CD86: variants seen among roughly 807,000 people sequenced by gnomAD.
CD86 encodes CD86 molecule.
In CD86, 11 loss-of-function variants were observed where a neutral mutation model predicts 32.1. The ratio of observed to expected loss-of-function variants is 0.34; its 90% CI spans 0.22 to 0.57. CD86 has a LOEUF of 0.57. Ranked by LOEUF, CD86 falls within the 20% of genes least tolerant of loss-of-function variation. The pLI is 0.86. For synonymous variants in CD86, 137 were observed against 135.3 expected (o/e 1.01, Z -0.09); for missense variants, 359 against 398.4 (o/e 0.90, Z 0.84).
intron 4 of CD86, among the ~76,000 whole-genome samples, chr3:122,108,897 G>C (rs1295634923): frequency 6.6e-6 from 1 of 152,168 alleles, no homozygotes; most frequent in African/African-American, 2.4e-5. Flanking sequence ...ACTGCAGAGG[G>C]GGGCAGGATA....
At chr3:122,078,369 G>C (rs549211598) in intron 1 of CD86, among the ~76,000 whole-genome samples, 3 of 152,140 alleles carry the variant, frequency 2.0e-5, no homozygotes, top group Non-Finnish European at 4.4e-5. Flanking sequence ...TGGGGTCTCC[G>C]AGCAGCCTCT....
intron 5 of CD86, among the ~76,000 whole-genome samples, chr3:122,115,740 CAAAAAAAAAAAAA>C (rs769868417): frequency 1.1e-4 from 3 of 27,538 alleles, no homozygotes; most frequent in African/African-American, 3.7e-4. Flanking sequence ...AACTCCCTCT[CAAAAAAAAAAAAA>C]AAAAAAAAAA....
intron 3 of CD86, among the ~76,000 whole-genome samples, chr3:122,105,352 T>C (rs1403047417): frequency 6.6e-6 from 1 of 152,222 alleles, no homozygotes; most frequent in Non-Finnish European, 1.5e-5. Flanking sequence ...AGTACACTGA[T>C]ATAGCAAAAC....
At chr3:122,083,408 C>T (rs898612884) in intron 1 of CD86, among the ~76,000 whole-genome samples, 2 of 152,184 alleles carry the variant, frequency 1.3e-5, no homozygotes, top group African/African-American at 2.4e-5. Context: ...CACGTGCCCT[C>T]CTGCCTCAGC....
intron 1 of CD86, among the ~76,000 whole-genome samples, chr3:122,060,207 T>G (rs571313205): frequency 4.6e-5 from 7 of 151,988 alleles, no homozygotes; most frequent in African/African-American, 1.4e-4. Context: ...CAAAGCAGAG[T>G]GTAGTCACAG....
Position 122,091,560 on chromosome 3 carries a change from C to T in CD86, c.15-41C>T, listed in dbSNP as rs1487793083. On this transcript the variant is annotated intron_variant, in intron 1 of 6. Coordinates refer to ENST00000330540, the MANE Select transcript of CD86 (RefSeq NM_175862.5). The stretch of plus-strand genomic sequence containing the variant: ...TTGGTGAACATCGGTTTTCAGTTTC[C>T]TTTTCTAATCAAGTTTTACCTTTTT... 2.0e-6 allele frequency: 3 copies of T among 1,494,206 alleles called. No individual in the cohort carries two copies. The South Asian group carries it at 3.5e-5, about 17-fold the overall frequency. The allele number at this position is 1,494,206 out of a possible 1,614,324, so 92.6% of individuals were successfully genotyped here.
chr3:122,085,775 C>A (rs773449616), intron 1 of CD86, among the ~76,000 whole-genome samples: 1 of 152,118 alleles, frequency 6.6e-6, no homozygotes, highest in Admixed American at 6.5e-5. Flanking sequence ...CGCTGTGCAG[C>A]ATGTCACACC....
At chr3:122,065,665 T>C (rs142586556) in intron 1 of CD86, among the ~76,000 whole-genome samples, 9 of 152,290 alleles carry the variant, frequency 5.9e-5, no homozygotes, top group African/African-American at 2.2e-4. Context: ...AGCTTTGGTC[T>C]GGAAAGTGAG....
intron 1 of CD86, among the ~76,000 whole-genome samples, chr3:122,078,962 A>G (rs2072592233): frequency 6.6e-6 from 1 of 152,194 alleles, no homozygotes; most frequent in Admixed American, 6.5e-5. Context: ...TATTTATGTG[A>G]GCTATCCTGT....
intron 1 of CD86, among the ~76,000 whole-genome samples, chr3:122,074,216 G>T (rs1162342744): frequency 6.6e-6 from 1 of 152,134 alleles, no homozygotes; most frequent in Non-Finnish European, 1.5e-5. Flanking sequence ...CTACCCCCTC[G>T]GGAGCACTGA....
chr3:122,119,207 G>A (rs935809543), intron 6 of CD86, among the ~76,000 whole-genome samples: 15 of 152,314 alleles, frequency 9.8e-5, no homozygotes, highest in African/African-American at 2.4e-4. Context: ...GCAGAGAACC[G>A]GCAGAGGGCA....
intron 1 of CD86, among the ~76,000 whole-genome samples, chr3:122,070,846 T>C (rs979805819): frequency 1.3e-5 from 2 of 152,140 alleles, no homozygotes; most frequent in Non-Finnish European, 2.9e-5. Flanking sequence ...ACTGTGAAAT[T>C]GATGCTAATT....
chr3:122,094,977 G>C (rs1192005545), intron 2 of CD86, among the ~76,000 whole-genome samples: 2 of 152,196 alleles, frequency 1.3e-5, no homozygotes, highest in African/African-American at 2.4e-5. Context: ...TTTTAGGCTG[G>C]AGCCAGAGAG....
rs138336655 is a variant in CD86 at position 122,057,584 on chromosome 3, G to A, written c.14+2081G>A. On this transcript the variant is annotated intron_variant, in intron 1 of 6. Transcript: ENST00000330540. ...CTTTTCAATTTGAATCCCATCTGTAGGCAGAAAAATAAAGTTAAATATTTA... is the reference window on the plus strand; with the variant it reads ...CTTTTCAATTTGAATCCCATCTGTAAGCAGAAAAATAAAGTTAAATATTTA... Among the ~76,000 whole-genome samples, 257 of 152,012 alleles carry A rather than the reference G, an allele frequency of 1.7e-3. 5 individuals are homozygous for A. The East Asian group carries it at 0.034, about 20-fold the overall frequency.
intron 1 of CD86, among the ~76,000 whole-genome samples, chr3:122,060,750 A>T (rs1024318530): frequency 2.0e-5 from 3 of 152,182 alleles, no homozygotes; most frequent in Non-Finnish European, 4.4e-5. Flanking sequence ...GTCATTTTAC[A>T]TGTTGGATTT....
intron 1 of CD86, 83 bp from the exon 2 acceptor site, chr3:122,091,518 C>T: frequency 5.5e-6 from 6 of 1,100,402 alleles, no homozygotes; most frequent in South Asian, 2.5e-5. Context: ...TCCCAAACTC[C>T]ACGTCCAGGT....
At chr3:122,058,283 T>C (rs945641348) in intron 1 of CD86, among the ~76,000 whole-genome samples, 1 of 152,178 alleles carries the variant, frequency 6.6e-6, no homozygotes, top group Non-Finnish European at 1.5e-5. Flanking sequence ...CAAGTTGTGC[T>C]TTTGGGATGG....
At chr3:122,100,629 C>T (rs1281766557) in intron 2 of CD86, among the ~76,000 whole-genome samples, 2 of 152,190 alleles carry the variant, frequency 1.3e-5, no homozygotes, top group Non-Finnish European at 1.5e-5. Context: ...TCAGAGACTT[C>T]ATAAGGCTAG....
At position 122,091,002 on chromosome 3, in the gene CD86, A is replaced by C. The variant is rs2072808484; in HGVS notation, c.15-599A>C. On this transcript the variant is annotated intron_variant, in intron 1 of 6. Coordinates refer to ENST00000330540, the MANE Select transcript of CD86 (RefSeq NM_175862.5). ...TTTTTACTCACATTCAAGTTTGAGA[A>C]CCACAGGAAAACAAAAGGAAGGCAG... 2.0e-5 allele frequency among the ~76,000 whole-genome samples: 3 copies of C among 152,208 alleles called. No individual in the cohort carries two copies. In the South Asian group the frequency reaches 6.2e-4, roughly 32 times the overall value.
Sources: gnomAD v4.1 joint callset for allele counts (sites outside exome capture counted in the v4.1 genomes callset) on GRCh38, gnomAD v4.1.1 for gene constraint, MANE v1.5 for transcripts, NCBI Gene and HGNC (gene_info 2026-07-23, HGNC 2026-07-21) for gene names.